Variants in CHD5 observed in about 807,000 individuals in gnomAD.
CHD5 encodes chromodomain helicase DNA binding protein 5, also known as ATP-dependent chromatin remodeler CHD5.
Under a neutral mutation model 230.3 loss-of-function variants are expected in CHD5, and 69 were observed. The ratio of observed to expected loss-of-function variants is 0.30; its 90% CI spans 0.25 to 0.37. The LOEUF is 0.37. Ranked by LOEUF, CHD5 falls within the 10% of genes least tolerant of loss-of-function variation. CHD5 has a pLI of 1.00. For missense variants in CHD5, 1,827 were observed against 2,622.8 expected, an observed-to-expected ratio of 0.70 and a Z score of 6.63; for synonymous variants, 1,064 against 1,065.9, an observed-to-expected ratio of 1.00 and a Z score of 0.03.
In CHD5 at chr1:6,146,351, C is replaced by T; in HGVS notation, c.1663G>A (p.Asp555Asn). 1 of 1,614,162 alleles carries T rather than the reference C, an allele frequency of 6.2e-7. No individual in the cohort carries two copies. Among genetic ancestry groups the T allele is most frequent in the Non-Finnish European group, 8.5e-7 (1 of 1,180,030 alleles). The change falls in exon 11 of 42, where the codon GAC (aspartate) becomes AAC (asparagine). Residue 555 changes from aspartate to asparagine, a missense_variant. By Grantham distance (23) the Asp-to-Asn change is conservative. Around this residue, in one of 14 missense-constraint regions of CHD5, gnomAD observed 657 missense variants for 816.4 expected, o/e 0.80. Transcript: ENST00000262450. This position sits in a 1 kb window ranked among gnomAD's most constrained non-coding sequence, Gnocchi z 5.1. ...CCGTCTTCATCCCCAGAGCCGTAGT[C>T]AAAGGGGGGCGGCTCATCCATGTCG... is the stretch of plus-strand genomic sequence containing the variant. ...KNDMDEPPPF[D>N]YGSGDEDGKS... is the part of the protein sequence containing the mutation.
intron 1 of CHD5, among the ~76,000 whole-genome samples, chr1:6,170,298 GC>G (rs1236677773): frequency 3.9e-4 from 59 of 152,212 alleles, no homozygotes; most frequent in African/African-American, 1.3e-3. Flanking sequence ...GGCCCCCACC[GC>G]CCGGCCTGGG....
intron 31 of CHD5, among the ~76,000 whole-genome samples, chr1:6,122,939 G>T (rs942714321): frequency 6.6e-6 from 1 of 151,904 alleles, no homozygotes; most frequent in African/African-American, 2.4e-5. Context: ...GTGTGGTGGC[G>T]GGCACCTGTA....
At chr1:6,107,641 GATGAAGGGATGATGGAAAA>G (rs1666210027) in intron 38 of CHD5, among the ~76,000 whole-genome samples, 1 of 113,340 alleles carries the variant, frequency 8.8e-6, no homozygotes, top group Non-Finnish European at 1.9e-5. Flanking sequence ...ATGATGGAGG[GATGAAGGGATGATGGAAAA>G]ATGAAGGGAT....
intron 11 of CHD5, among the ~76,000 whole-genome samples, chr1:6,144,767 C>T (rs1268135534): frequency 1.3e-5 from 2 of 152,158 alleles, no homozygotes; most frequent in Admixed American, 1.3e-4. Flanking sequence ...TGCTGGAGGG[C>T]CGGGCTGGGG....
At chr1:6,123,838 G>C in intron 31 of CHD5, 110 bp downstream of exon 31, 2 of 701,940 alleles carry the variant, frequency 2.8e-6, no homozygotes, top group Non-Finnish European at 4.3e-6. Flanking sequence ...AGAGGCTTTG[G>C]GGGAAGGAGA....
chr1:6,111,235 AAAAAG>A (rs1400441853), intron 36 of CHD5, among the ~76,000 whole-genome samples: 10 of 144,956 alleles, frequency 6.9e-5, no homozygotes, highest in Non-Finnish European at 4.6e-5. Context: ...ATCTCAAAAA[AAAAAG>A]AAAAAGAAAA....
rs546142145 is a variant in CHD5 at position 6,121,302 on chromosome 1, C to T, written c.4780-65G>A. 6.3e-6 allele frequency: 10 copies of T among 1,576,862 alleles called. No homozygotes were observed. In the East Asian group the frequency reaches 6.7e-5, roughly 11 times the overall value. ...CTCACCAGGAACGGAGGGCGGGGAA[C>T]GTGCGCTGGGCTGGGAACCCAGTCT... On this transcript the variant is annotated intron_variant, in intron 32 of 41. Coordinates refer to ENST00000262450, the MANE Select transcript of CHD5 (RefSeq NM_015557.3). The surrounding 1 kb of genome is among the most constrained non-coding windows in gnomAD (Gnocchi z 4.5).
At position 6,152,447 on chromosome 1, in the gene CHD5, C is replaced by G; in HGVS notation, c.835G>C (p.Gly279Arg). The change falls in exon 6 of 42, where the codon GGG becomes CGG. Residue 279 changes from glycine to arginine, a missense_variant. Gly to Arg is a moderately radical substitution (Grantham distance 125). This residue lies in a region of CHD5 where 657 missense variants were observed against 816.4 expected (regional missense o/e 0.80). Transcript: ENST00000262450. ...TTCTTCCTCTTGTTGCTGATCCCCC[C>G]GAAGCGGAACTTGAGCCCGGCCGTC... ...KKTAGLKFRF[G>R]GISNKRKKGS... is the part of the protein sequence containing the mutation. The G allele has an allele frequency of 1.2e-6, 2 of 1,614,150 alleles. No individual in the cohort carries two copies. Among genetic ancestry groups the G allele is most frequent in the Non-Finnish European group, 1.7e-6 (2 of 1,180,008 alleles).
At chr1:6,135,134 G>A in intron 18 of CHD5, 96 bp downstream of exon 18, 2 of 1,414,730 alleles carry the variant, frequency 1.4e-6, no homozygotes, top group Non-Finnish European at 1.0e-6. Flanking sequence ...CCTCAGTGAG[G>A]CTGAAGAGCC....
At position 6,131,715 on chromosome 1, in the gene CHD5, G is replaced by C; in HGVS notation, c.3178C>G (p.Leu1060Val). ...TCATACTTGTAGCCTTCGTACTCCA[G>C]GAAGTCCTCCAGGAGGTCCAGCATC... ...TKMLDLLEDF[L>V]EYEGYKYERI... Residue 1060 changes from leucine (L) to valine (V), a missense_variant, in exon 21 of 42, where the codon CTG becomes GTG. Physicochemically the swap from Leu to Val is conservative, Grantham distance 32 (BLOSUM62 1). Coordinates refer to ENST00000262450, the MANE Select transcript of CHD5 (RefSeq NM_015557.3). This position sits in a 1 kb window ranked among gnomAD's most constrained non-coding sequence, Gnocchi z 5.0. 6.2e-7 allele frequency: 1 copy of C among 1,613,464 alleles called. No homozygotes were observed. The highest frequency in any genetic ancestry group is 8.5e-7 in the Non-Finnish European group (1 of 1,179,470).
In CHD5 at chr1:6,126,728, T is replaced by C; in HGVS notation, c.3922A>G (p.Ile1308Val). The C allele has an allele frequency of 6.2e-7, 1 of 1,613,612 alleles. No individual in the cohort carries two copies. The highest frequency in any genetic ancestry group is 1.1e-5 in the South Asian group (1 of 91,074). ...TCCACGTTCTCCTCCTGCTTGATGA[T>C]TTCCCGCTCCACCTCCTCCTGGGGA... ...EDGVEEVEREIIKQEENVDPD... is the reference protein window; with the variant it reads ...EDGVEEVEREVIKQEENVDPD... Residue 1308 changes from isoleucine (I) to valine (V), a missense_variant, in exon 26 of 42, where the codon ATC (isoleucine) becomes GTC (valine). Around this residue, in one of 14 missense-constraint regions of CHD5, gnomAD observed 137 missense variants for 272.7 expected, o/e 0.50. Transcript: ENST00000262450. This position sits in a 1 kb window ranked among gnomAD's most constrained non-coding sequence, Gnocchi z 5.7.
chr1:6,135,073 A>C (rs995994965), intron 18 of CHD5, among the ~76,000 whole-genome samples, 157 bp downstream of exon 18: 1 of 152,294 alleles, frequency 6.6e-6, no homozygotes, highest in South Asian at 2.1e-4. Flanking sequence ...TGGTCACTAA[A>C]ACCTGAGAAG....
intron 1 of CHD5, among the ~76,000 whole-genome samples, chr1:6,169,782 G>A (rs900162327): frequency 5.3e-5 from 8 of 152,090 alleles, no homozygotes; most frequent in Non-Finnish European, 1.0e-4. Context: ...CGGCCCCAGC[G>A]CCCCAGCCAG....
At chr1:6,176,307 T>C (rs1190901502) in intron 1 of CHD5, among the ~76,000 whole-genome samples, 2 of 152,182 alleles carry the variant, frequency 1.3e-5, no homozygotes, top group African/African-American at 2.4e-5. Context: ...AAGCCTAAGA[T>C]ACTTACACAT....
At position 6,142,938 on chromosome 1, in the gene CHD5, C is replaced by T. The variant is rs1666850186; in HGVS notation, c.2044-333G>A. On this transcript the variant is annotated intron_variant, in intron 13 of 41. Coordinates refer to ENST00000262450, the MANE Select transcript of CHD5 (RefSeq NM_015557.3). This position sits in a 1 kb window ranked among gnomAD's most constrained non-coding sequence, Gnocchi z 5.2. ...GTTCACTGCCTCCTCTTGAGTACCA[C>T]ACAGTGCCTGGGACATGTGGTCACT... Among the ~76,000 whole-genome samples, 2 of 152,244 alleles carry T rather than the reference C, an allele frequency of 1.3e-5. No individual in the cohort carries two copies. Among genetic ancestry groups the T allele is most frequent in the Non-Finnish European group, 2.9e-5 (2 of 68,040 alleles).
rs1224698525 is a variant in CHD5, at chr1:6,125,719, C to G, written c.4171+47G>C. ...CCCGCTCCTGCTGCCATCAGCTCCC[C>G]TGACATGGCCTCAGCAGTAGCCCAG... On this transcript the variant is annotated intron_variant, in intron 27 of 41. Coordinates refer to ENST00000262450, the MANE Select transcript of CHD5 (RefSeq NM_015557.3). The surrounding 1 kb of genome is among the most constrained non-coding windows in gnomAD (Gnocchi z 6.7). 2 of 1,590,816 alleles carry G rather than the reference C, an allele frequency of 1.3e-6. No homozygotes were observed. The highest frequency in any genetic ancestry group is 2.2e-5 in the South Asian group (2 of 90,582).
At position 6,102,314 on chromosome 1, in the gene CHD5, A is replaced by G. The variant is rs1458807367; in HGVS notation, c.*3160T>C. The G allele has an allele frequency of 6.3e-6, 1 of 159,554 alleles. No individual in the cohort carries two copies. The highest frequency in any genetic ancestry group is 1.9e-4 in the East Asian group (1 of 5,206). The allele number at this position is 159,554 out of a possible 1,614,324, so 9.9% of individuals were successfully genotyped here. Reference sequence around the variant, plus strand: ...AACGCCAGTGAGTTTGGGCTGATGCACCACAACCTGTAAACTTTCAGACAC... The same window carrying G: ...AACGCCAGTGAGTTTGGGCTGATGCGCCACAACCTGTAAACTTTCAGACAC... On this transcript the variant is annotated 3_prime_UTR_variant, in exon 42 of 42. Transcript: ENST00000262450.
chr1:6,136,966 C>G, intron 15 of CHD5, 101 bp from the exon 16 acceptor site: 1 of 1,319,190 alleles, frequency 7.6e-7, no homozygotes, highest in Non-Finnish European at 1.0e-6. Context: ...CAGGAACCCA[C>G]AAAGGCTCCA....
chr1:6,163,151 T>A (rs1361191587), intron 2 of CHD5, among the ~76,000 whole-genome samples: 1 of 152,178 alleles, frequency 6.6e-6, no homozygotes, highest in Admixed American at 6.5e-5. Context: ...CAGCACAGAA[T>A]GGGCTCAGAC....
Sources: allele counts gnomAD v4.1 joint callset (sites outside exome capture counted in the v4.1 genomes callset), GRCh38; gene constraint gnomAD v4.1.1; regional missense constraint gnomAD v4.1.1; non-coding constraint Gnocchi (gnomAD v3.1); transcripts MANE v1.5; gene names NCBI Gene and HGNC (gene_info 2026-07-23, HGNC 2026-07-21).